ADD3: variants seen among roughly 807,000 people sequenced by gnomAD.
ADD3 encodes the protein gamma-adducin.
In ADD3, 25 loss-of-function variants were observed where a neutral mutation model predicts 80.2. That is an observed-to-expected ratio of 0.31 (90% CI 0.23 to 0.44). The LOEUF (loss-of-function observed/expected upper bound fraction) is 0.44. Ranked by LOEUF, ADD3 falls within the 20% of genes least tolerant of loss-of-function variation. ADD3 has a pLI of 1.00. For synonymous variants in ADD3, 284 were observed against 289.6 expected (o/e 0.98, Z 0.20); for missense variants, 829 against 847.5 (o/e 0.98, Z 0.27).
chr10:110,114,328 G>T (rs187607978), intron 3 of ADD3, among the ~76,000 whole-genome samples: 3 of 152,340 alleles, frequency 2.0e-5, no homozygotes, highest in Non-Finnish European at 4.4e-5. Context: ...AAACTATTCA[G>T]ATTACTTCAA....
chr10:110,076,063 C>G (rs2133703352), intron 1 of ADD3, among the ~76,000 whole-genome samples: 1 of 152,296 alleles, frequency 6.6e-6, no homozygotes, highest in South Asian at 2.1e-4. Flanking sequence ...TCCTGGTGTT[C>G]TCTCAAATCC....
intron 1 of ADD3, among the ~76,000 whole-genome samples, chr10:110,044,341 T>A (rs1449670710): frequency 6.6e-6 from 1 of 152,226 alleles, no homozygotes; most frequent in Non-Finnish European, 1.5e-5. Flanking sequence ...TTCTGGCCTA[T>A]TAGACCATTG....
At chr10:110,105,668 T>G (rs1849324902) in intron 2 of ADD3, among the ~76,000 whole-genome samples, 1 of 152,274 alleles carries the variant, frequency 6.6e-6, no homozygotes, top group Admixed American at 6.5e-5. Flanking sequence ...CATGACATAC[T>G]AACAGTTTTT....
At chr10:110,082,217 CTTTGT>C (rs1481040598) in intron 1 of ADD3, among the ~76,000 whole-genome samples, 2 of 144,716 alleles carry the variant, frequency 1.4e-5, no homozygotes, top group African/African-American at 2.8e-5. Context: ...CCAATATTTG[CTTTGT>C]TTTGAGTATC....
intron 1 of ADD3, among the ~76,000 whole-genome samples, chr10:110,050,435 A>T (rs1333919978): frequency 1.3e-5 from 2 of 150,772 alleles, no homozygotes; most frequent in Non-Finnish European, 2.9e-5. Context: ...ACCATATAAG[A>T]CATGTCTTTT....
At position 110,118,454 on chromosome 10, in the gene ADD3, A is replaced by G. The variant is rs1160868408; in HGVS notation, c.568-133A>G. 8 of 667,132 alleles carry G rather than the reference A, an allele frequency of 1.2e-5. No homozygotes were observed. In the Admixed American group the frequency reaches 2.0e-4, roughly 17 times the overall value. 41.3% of individuals were successfully genotyped at this position (667,132 alleles called of 1,614,324 possible). A position where few individuals can be genotyped will look rare whatever the true frequency, so the allele number is the denominator to read the frequency against. ...AGCTGCAGATTTGAGTAATTGCAGCAGAGGCCCACAAAGTCCAAAATATTT... is the reference window on the plus strand; with the variant it reads ...AGCTGCAGATTTGAGTAATTGCAGCGGAGGCCCACAAAGTCCAAAATATTT... On this transcript the variant is annotated intron_variant, in intron 5 of 14. Transcript: ENST00000356080.
chr10:110,032,601 A>G (rs1229686487), intron 1 of ADD3, among the ~76,000 whole-genome samples: 1 of 152,212 alleles, frequency 6.6e-6, no homozygotes, highest in Non-Finnish European at 1.5e-5. Context: ...TTCAGGAAAG[A>G]GTATAGTATG....
chr10:110,060,448 T>A (rs1236569632), intron 1 of ADD3, among the ~76,000 whole-genome samples: 1 of 152,250 alleles, frequency 6.6e-6, no homozygotes. Flanking sequence ...CAAAAGCACT[T>A]GGATATTTTA....
At chr10:110,078,939 A>G (rs1213891103) in intron 1 of ADD3, among the ~76,000 whole-genome samples, 2 of 152,196 alleles carry the variant, frequency 1.3e-5, no homozygotes, top group Non-Finnish European at 2.9e-5. Flanking sequence ...TTTAATAGAA[A>G]ATCATAGTTA....
intron 1 of ADD3, among the ~76,000 whole-genome samples, chr10:110,065,674 G>C (rs1843860381): frequency 6.6e-6 from 1 of 150,698 alleles, no homozygotes; most frequent in South Asian, 2.1e-4. Flanking sequence ...TGAGTAGCTA[G>C]GATTACAGGT....
intron 12 of ADD3, among the ~76,000 whole-genome samples, chr10:110,128,909 C>T (rs1449658537): frequency 6.6e-6 from 1 of 152,148 alleles, no homozygotes; most frequent in Non-Finnish European, 1.5e-5. Context: ...TAAAGCATAT[C>T]AGAAGCTCTG....
chr10:110,113,093 T>A (rs1173192687), intron 3 of ADD3, among the ~76,000 whole-genome samples, 178 bp downstream of exon 3: 1 of 152,096 alleles, frequency 6.6e-6, no homozygotes, highest in Non-Finnish European at 1.5e-5. Flanking sequence ...TTTACTACAC[T>A]TTGTACAGAT....
At chr10:110,101,614 G>A (rs1208904995) in intron 2 of ADD3, among the ~76,000 whole-genome samples, 1 of 149,818 alleles carries the variant, frequency 6.7e-6, no homozygotes, top group East Asian at 1.9e-4. Flanking sequence ...TCCAGCCTGG[G>A]CAACAGAGTG....
chr10:110,089,461 G>C (rs368884984), intron 1 of ADD3, among the ~76,000 whole-genome samples: 1 of 152,096 alleles, frequency 6.6e-6, no homozygotes, highest in Non-Finnish European at 1.5e-5. Context: ...CTAAGGAAGG[G>C]GTTGGGATGT....
At chr10:110,119,055 A>G (rs1447551175) in intron 6 of ADD3, among the ~76,000 whole-genome samples, 156 bp from the exon 7 acceptor site, 2 of 152,220 alleles carry the variant, frequency 1.3e-5, no homozygotes, top group African/African-American at 4.8e-5. Flanking sequence ...TGTGTGGAAG[A>G]AACAAAATGG....
chr10:110,124,274 G>A lies in ADD3; in HGVS notation c.1401G>A (p.Thr467=), dbSNP rs755780836. 1.3e-5 allele frequency: 21 copies of A among 1,613,106 alleles called. No homozygotes were observed. The highest frequency in any genetic ancestry group is 5.5e-5 in the South Asian group (5 of 91,060). ...NGETSPRTKI[T]WMKAEDSSKV... is the part of the protein sequence containing the mutation. ...AAACCAGTCCCCGAACCAAAATCACGGTATGCCAGTATTTTATGTAGTTTG... is the reference window on the plus strand; with the variant it reads ...AAACCAGTCCCCGAACCAAAATCACAGTATGCCAGTATTTTATGTAGTTTG... Residue 467 remains threonine (T), a splice_region_variant and synonymous_variant, in exon 10 of 15, where the codon ACG becomes ACA. Coordinates refer to ENST00000356080, the MANE Select transcript of ADD3 (RefSeq NM_016824.5).
At position 110,022,180 on chromosome 10, in the gene ADD3, A is replaced by G. The variant is rs140383601; in HGVS notation, c.-30+13881A>G. ...GATTTTGTCAGGGATGATCTAGAGA[A>G]GCTGAAGAAGCCTCTATGATGATCC... On this transcript the variant is annotated intron_variant, in intron 1 of 14. Coordinates refer to ENST00000356080, the MANE Select transcript of ADD3 (RefSeq NM_016824.5). 6.4e-3 allele frequency among the ~76,000 whole-genome samples: 977 copies of G among 152,264 alleles called. 6 individuals are homozygous for G. The highest frequency in any genetic ancestry group is 9.0e-3 in the Non-Finnish European group (613 of 68,004).
At chr10:110,125,795 G>A (rs1291778093) in intron 10 of ADD3, 31 bp from the exon 11 acceptor site, 15 of 1,539,626 alleles carry the variant, frequency 9.7e-6, no homozygotes, top group Non-Finnish European at 1.2e-5. Flanking sequence ...TTAACACAAA[G>A]CTTCATTTTA....
intron 1 of ADD3, among the ~76,000 whole-genome samples, chr10:110,072,813 G>A (rs1399485167): frequency 6.6e-6 from 1 of 152,186 alleles, no homozygotes; most frequent in East Asian, 1.9e-4. Flanking sequence ...CTACTCTTGA[G>A]CCCTTCTACA....
Sources: gnomAD v4.1 joint callset for allele counts (sites outside exome capture counted in the v4.1 genomes callset) on GRCh38, gnomAD v4.1.1 for gene constraint, MANE v1.5 for transcripts, NCBI Gene and HGNC (gene_info 2026-07-23, HGNC 2026-07-21) for gene names.